CLVS1: variants seen among roughly 807,000 people sequenced by gnomAD.
CLVS1 encodes the protein clavesin 1.
Under a neutral mutation model 33.1 loss-of-function variants are expected in CLVS1, and 10 were observed. That is an observed-to-expected ratio of 0.30 (90% confidence interval 0.19 to 0.51). CLVS1 has a LOEUF of 0.51. Among genes scored for constraint, CLVS1 ranks in the 20% least tolerant of loss-of-function variants. The probability of loss-of-function intolerance (pLI) is 0.97; values close to 1 mark genes in which losing one functional copy is unlikely to be tolerated. For missense variants in CLVS1, 343 were observed against 433.4 expected (o/e 0.79, Z 1.85); for synonymous variants, 163 against 166.1 (o/e 0.98, Z 0.14).
At chr8:61,202,000 G>A (rs983439040) in intron 2 of CLVS1, among the ~76,000 whole-genome samples, 1 of 152,156 alleles carries the variant, frequency 6.6e-6, no homozygotes, top group Non-Finnish European at 1.5e-5. Flanking sequence ...TTCTGTATTT[G>A]ACCCGATTGG....
At chr8:61,411,825 G>A (rs1309658334) in intron 3 of CLVS1, among the ~76,000 whole-genome samples, 2 of 152,216 alleles carry the variant, frequency 1.3e-5, no homozygotes, top group Non-Finnish European at 2.9e-5. Flanking sequence ...GTGCTTCAGA[G>A]TCTGGGAGTG....
intron 2 of CLVS1, among the ~76,000 whole-genome samples, chr8:61,181,874 G>A (rs1039944256): frequency 2.0e-5 from 3 of 151,630 alleles, no homozygotes; most frequent in African/African-American, 7.3e-5. Flanking sequence ...TAATTTTTTT[G>A]TATTTTTTAG....
At chr8:61,303,268 T>A (rs1175769141) in intron 2 of CLVS1, among the ~76,000 whole-genome samples, 1 of 152,202 alleles carries the variant, frequency 6.6e-6, no homozygotes, top group Non-Finnish European at 1.5e-5. Flanking sequence ...AAGTATGTTG[T>A]TAAGAAGAGG....
chr8:61,469,311 C>G (rs937041434), intron 5 of CLVS1, among the ~76,000 whole-genome samples: 1 of 152,142 alleles, frequency 6.6e-6, no homozygotes, highest in Non-Finnish European at 1.5e-5. Context: ...CATAGAAGAC[C>G]TACTTCTGAT....
chr8:61,058,029 A>G (rs1804511275), intron 1 of CLVS1, among the ~76,000 whole-genome samples: 1 of 152,242 alleles, frequency 6.6e-6, no homozygotes, highest in Admixed American at 6.5e-5. Flanking sequence ...GAAAACAGAC[A>G]CAATAACTTT....
chr8:61,295,433 T>G (rs1371348751), intron 1 of CLVS1, among the ~76,000 whole-genome samples: 2 of 152,138 alleles, frequency 1.3e-5, no homozygotes, highest in African/African-American at 4.8e-5. Context: ...GACAGCTAGA[T>G]TTTGAACAGC....
At chr8:60,987,607 A>G in the CLVS1 span, among the ~76,000 whole-genome samples, 1 of 152,174 alleles carries the variant, frequency 6.6e-6, no homozygotes, top group Non-Finnish European at 1.5e-5. Context: ...CTGAACCTCC[A>G]TTTCCTCATT....
At chr8:61,010,053 G>A in the CLVS1 span, among the ~76,000 whole-genome samples, 1 of 152,322 alleles carries the variant, frequency 6.6e-6, no homozygotes, top group East Asian at 1.9e-4. Context: ...AATGGGGAGG[G>A]AGTAGGGAAT....
At chr8:61,350,297 G>A (rs377723326) in intron 2 of CLVS1, among the ~76,000 whole-genome samples, 2 of 152,070 alleles carry the variant, frequency 1.3e-5, no homozygotes, top group East Asian at 3.9e-4. Context: ...TCCCATTTGG[G>A]TCATTGCTGA....
chr8:61,492,220 G>C (rs1237546062), intron 5 of CLVS1, among the ~76,000 whole-genome samples: 2 of 152,322 alleles, frequency 1.3e-5, no homozygotes, highest in South Asian at 2.1e-4. Context: ...TAATAGACAT[G>C]TTACAAAAAT....
chr8:61,432,487 T>C lies in CLVS1; in HGVS notation c.631-21654T>C, dbSNP rs76086864. 2.2e-4 allele frequency among the ~76,000 whole-genome samples: 34 copies of C among 152,218 alleles called. No homozygotes were observed. In the East Asian group the frequency reaches 5.6e-3, roughly 25 times the overall value. On this transcript the variant is annotated intron_variant, in intron 3 of 5. Transcript: ENST00000325897. Reference sequence around the variant, plus strand: ...ACAAGAGGAGATTAGGACATAGACATGTACAGAGGGAAGTTCATGTGAAGA... The same window carrying C: ...ACAAGAGGAGATTAGGACATAGACACGTACAGAGGGAAGTTCATGTGAAGA...
At position 61,085,896 on chromosome 8, in the gene CLVS1, C is replaced by A. The variant is rs572715656; in HGVS notation, c.-243+28666C>A. On this transcript the variant is annotated intron_variant, in intron 1 of 2. Transcript: ENST00000522621. ...AAAATTAGCCGGGTATGGTGGCGGGCGCGTTGGCGGGCGCCTGTAGTCCCA... is the reference window on the plus strand; with the variant it reads ...AAAATTAGCCGGGTATGGTGGCGGGAGCGTTGGCGGGCGCCTGTAGTCCCA... Among the ~76,000 whole-genome samples, 6 of 151,196 alleles carry A rather than the reference C, an allele frequency of 4.0e-5. No homozygotes were observed. The South Asian group carries it at 1.3e-3, about 32-fold the overall frequency.
intron 2 of CLVS1, among the ~76,000 whole-genome samples, chr8:61,342,174 C>T (rs564574558): frequency 6.6e-6 from 1 of 152,222 alleles, no homozygotes; most frequent in South Asian, 2.1e-4. Context: ...TTTTCAAGAC[C>T]CTCCTCCTGC....
At chr8:61,297,727 C>T (rs1458481005) in intron 1 of CLVS1, among the ~76,000 whole-genome samples, 2 of 152,048 alleles carry the variant, frequency 1.3e-5, no homozygotes, top group Non-Finnish European at 2.9e-5. Flanking sequence ...AGAACACTAG[C>T]ATTGAAGGTG....
chr8:61,457,498 G>T (rs193115514), intron 4 of CLVS1, among the ~76,000 whole-genome samples: 1 of 151,996 alleles, frequency 6.6e-6, no homozygotes, highest in African/African-American at 2.4e-5. Context: ...ATTGTAACTT[G>T]GAGGTGTGCC....
At chr8:61,269,901 A>G (rs1284911688) in intron 2 of CLVS1, among the ~76,000 whole-genome samples, 1 of 148,796 alleles carries the variant, frequency 6.7e-6, no homozygotes, top group African/African-American at 2.5e-5. Flanking sequence ...TATCAGCTTA[A>G]GGAGATTTTG....
intron 2 of CLVS1, among the ~76,000 whole-genome samples, chr8:61,254,325 C>A (rs1809023687): frequency 6.6e-6 from 1 of 152,200 alleles, no homozygotes; most frequent in Non-Finnish European, 1.5e-5. Context: ...TGTCAGTCTG[C>A]CCCTACTGGG....
intron 2 of CLVS1, among the ~76,000 whole-genome samples, chr8:61,178,039 A>G (rs142286972): frequency 6.6e-6 from 1 of 152,256 alleles, no homozygotes; most frequent in Non-Finnish European, 1.5e-5. Context: ...GGGTAATAAA[A>G]AAATTCTGCC....
chr8:61,450,633 T>A (rs778887166), intron 3 of CLVS1, among the ~76,000 whole-genome samples: 1 of 152,208 alleles, frequency 6.6e-6, no homozygotes, highest in Non-Finnish European at 1.5e-5. Flanking sequence ...ACTAAACATA[T>A]CATTATATAA....
Sources: allele counts gnomAD v4.1 joint callset (sites outside exome capture counted in the v4.1 genomes callset), GRCh38; gene constraint gnomAD v4.1.1; transcripts MANE v1.5; gene names NCBI Gene and HGNC (gene_info 2026-07-23, HGNC 2026-07-21).